MRTO4: variants seen among roughly 807,000 people sequenced by gnomAD.
MRTO4 encodes the protein mRNA turnover protein 4 homolog.
A neutral mutation model predicts 28.6 loss-of-function variants in MRTO4; 7 were observed. That is an observed-to-expected ratio of 0.24 (90% CI 0.14 to 0.46). The LOEUF (loss-of-function observed/expected upper bound fraction) is 0.46, where lower values mean the gene tolerates loss of function less well. Ranked by LOEUF, MRTO4 falls within the 20% of genes least tolerant of loss-of-function variation. The pLI is 0.99. For synonymous variants in MRTO4, 113 were observed against 108.2 expected (o/e 1.04, Z -0.27); for missense variants, 302 against 298.3 (o/e 1.01, Z -0.09).
chr1:19,257,174 C>T lies in MRTO4; in HGVS notation c.273+29C>T, dbSNP rs778602647. 1.9e-6 allele frequency: 3 copies of T among 1,607,500 alleles called. No individual in the cohort carries two copies. In the Admixed American group the frequency reaches 5.0e-5, roughly 27 times the overall value. On this transcript the variant is annotated intron_variant, in intron 4 of 7. Transcript: ENST00000330263. Reference sequence around the variant, plus strand: ...AGTCTCTGGCCCTCACGGGGTGGAGCTAAGGCAAAGCCGCCCTCTCTCCCA... The same window carrying T: ...AGTCTCTGGCCCTCACGGGGTGGAGTTAAGGCAAAGCCGCCCTCTCTCCCA...
chr1:19,257,411 A>T, intron 4 of MRTO4, 43 bp from the exon 5 acceptor site: 1 of 1,608,346 alleles, frequency 6.2e-7, no homozygotes, highest in Non-Finnish European at 8.5e-7. Flanking sequence ...GTAGAGAACC[A>T]CTGCTCTAAT....
intron 1 of MRTO4, among the ~76,000 whole-genome samples, chr1:19,254,113 C>T (rs1163238558): frequency 6.6e-6 from 1 of 152,206 alleles, no homozygotes; most frequent in Non-Finnish European, 1.5e-5. Flanking sequence ...TGGCTCACAC[C>T]TATGATTCCA....
intron 2 of MRTO4, 112 bp from the exon 3 acceptor site, chr1:19,255,836 C>T (rs561432197): frequency 1.2e-6 from 1 of 863,306 alleles, no homozygotes; most frequent in South Asian, 1.6e-5. Context: ...TCCAGTTCTT[C>T]CAGTTTCCAT....
intron 1 of MRTO4, chr1:19,252,076 C>G (rs1257062369): frequency 3.0e-6 from 2 of 669,660 alleles, no homozygotes; most frequent in Non-Finnish European, 2.4e-6. Flanking sequence ...AGCGGAGACT[C>G]GTTTTGCCTA....
At chr1:19,256,981 G>A in intron 3 of MRTO4, 83 bp from the exon 4 acceptor site, 2 of 1,357,836 alleles carry the variant, frequency 1.5e-6, no homozygotes, top group Non-Finnish European at 1.0e-6. Flanking sequence ...GCTCACTGGG[G>A]ACCGGAGCTA....
At chr1:19,252,862 AAGCT>A (rs1321943908) in intron 1 of MRTO4, among the ~76,000 whole-genome samples, 1 of 152,134 alleles carries the variant, frequency 6.6e-6, no homozygotes, top group East Asian at 1.9e-4. Context: ...GTGTGTTGCC[AAGCT>A]GGTCTCGAAC....
intron 1 of MRTO4, among the ~76,000 whole-genome samples, chr1:19,253,520 C>G (rs2093666857): frequency 6.6e-6 from 1 of 152,162 alleles, no homozygotes; most frequent in Non-Finnish European, 1.5e-5. Context: ...TGAAGGGTCA[C>G]TCTGGTTGCC....
intron 1 of MRTO4, 115 bp from the exon 2 acceptor site, chr1:19,254,667 T>G (rs539054140): frequency 2.2e-6 from 2 of 910,048 alleles, no homozygotes; most frequent in East Asian, 4.8e-5. Context: ...CTTGCTGCCT[T>G]TTTTCAGAAT....
At chr1:19,258,408 A>G (rs2093674793) in intron 6 of MRTO4, 69 bp from the exon 7 acceptor site, 7 of 1,586,798 alleles carry the variant, frequency 4.4e-6, no homozygotes, top group African/African-American at 1.3e-5. Context: ...TCCTCCCAAC[A>G]TGACCAGGGC....
chr1:19,255,491 G>T (rs2093670157), intron 2 of MRTO4, among the ~76,000 whole-genome samples: 1 of 151,958 alleles, frequency 6.6e-6, no homozygotes, highest in South Asian at 2.1e-4. Context: ...CTGCCAACCT[G>T]GGCTGCAGGC....
chr1:19,255,870 T>G, intron 2 of MRTO4, 78 bp from the exon 3 acceptor site: 1 of 1,235,144 alleles, frequency 8.1e-7, no homozygotes, highest in Non-Finnish European at 1.2e-6. Flanking sequence ...CCAGAGCAGA[T>G]TCATTCTCAT....
intron 1 of MRTO4, chr1:19,252,218 C>G: frequency 2.8e-6 from 1 of 351,682 alleles, no homozygotes; most frequent in South Asian, 4.0e-5. Context: ...GCTCCCGCCA[C>G]CCTGGCTGCC....
chr1:19,255,863 G>A (rs1192913253), intron 2 of MRTO4, 85 bp from the exon 3 acceptor site: 2 of 1,148,260 alleles, frequency 1.7e-6, no homozygotes, highest in Non-Finnish European at 1.3e-6. Context: ...CAGGGGCCCA[G>A]AGCAGATTCA....
At position 19,258,678 on chromosome 1, in the gene MRTO4, C is replaced by T. The variant is rs780808541; in HGVS notation, c.571-3C>T. On this transcript the variant is annotated splice_polypyrimidine_tract_variant and splice_region_variant and intron_variant, in intron 7 of 7. Coordinates refer to ENST00000330263, the MANE Select transcript of MRTO4 (RefSeq NM_016183.4). ...GATTCTTTGTTCCCTTTGTCTCTTG[C>T]AGAAGCTTTTTGGGTATGAGATGGC... 4.3e-6 allele frequency: 7 copies of T among 1,614,040 alleles called. No homozygotes were observed. In the African/African-American group the frequency reaches 6.7e-5, roughly 15 times the overall value.
chr1:19,252,966 G>A (rs988116583), intron 1 of MRTO4, among the ~76,000 whole-genome samples: 1 of 152,150 alleles, frequency 6.6e-6, no homozygotes, highest in Non-Finnish European at 1.5e-5. Flanking sequence ...GACCGTTTTT[G>A]ACCACCTTTG....
intron 3 of MRTO4, 106 bp downstream of exon 3, chr1:19,256,157 C>T: frequency 1.2e-6 from 1 of 867,754 alleles, no homozygotes; most frequent in Non-Finnish European, 1.9e-6. Flanking sequence ...CTGGGTCATG[C>T]CGCTGACACC....
chr1:19,255,049 G>A (rs735025), intron 2 of MRTO4, among the ~76,000 whole-genome samples: 88,295 of 151,840 alleles, frequency 0.58, 26,478 homozygotes, highest in East Asian at 0.81. Flanking sequence ...TGACTAGCTC[G>A]TACTCTGTGC....
At chr1:19,255,403 T>TG (rs1004622415) in intron 2 of MRTO4, among the ~76,000 whole-genome samples, 2 of 146,494 alleles carry the variant, frequency 1.4e-5, no homozygotes, top group African/African-American at 5.0e-5. Flanking sequence ...ACCCTGTCTT[T>TG]AAAAAAAAAA....
intron 6 of MRTO4, among the ~76,000 whole-genome samples, 172 bp from the exon 7 acceptor site, chr1:19,258,305 G>A (rs2093674651): frequency 6.6e-6 from 1 of 152,206 alleles, no homozygotes; most frequent in Non-Finnish European, 1.5e-5. Context: ...GAGCCCAGGA[G>A]GTCGAGGCTG....
Sources: allele counts gnomAD v4.1 joint callset (sites outside exome capture counted in the v4.1 genomes callset), GRCh38; gene constraint gnomAD v4.1.1; transcripts MANE v1.5; gene names NCBI Gene and HGNC (gene_info 2026-07-23, HGNC 2026-07-21).